The following SCG5 variants were observed in gnomAD, a reference collection of about 807,000 sequenced individuals.
The protein encoded by SCG5 is secretogranin V, also known as neuroendocrine protein 7B2.
A neutral mutation model predicts 25.7 loss-of-function variants in SCG5; 18 were observed. That is an observed-to-expected ratio of 0.70 (90% CI 0.48 to 1.04). The LOEUF is 1.04. Ranked by LOEUF, SCG5 falls within the 50% of genes least tolerant of loss-of-function variation. The pLI is 0.00. For synonymous variants in SCG5, 101 were observed against 91.7 expected, an observed-to-expected ratio of 1.10 and a Z score of -0.58; for missense variants, 206 against 259.8, an observed-to-expected ratio of 0.79 and a Z score of 1.42.
At chr15:32,683,205 G>A (rs1263786285) in intron 3 of SCG5, among the ~76,000 whole-genome samples, 1 of 152,178 alleles carries the variant, frequency 6.6e-6, no homozygotes, top group African/African-American at 2.4e-5. Context: ...TGTACTGAAA[G>A]CTTAAGAGCA....
intron 4 of SCG5, among the ~76,000 whole-genome samples, chr15:32,690,311 C>T (rs1365330274): frequency 6.6e-6 from 1 of 152,208 alleles, no homozygotes; most frequent in Non-Finnish European, 1.5e-5. Flanking sequence ...CAATGGTACA[C>T]ATGAAGAAGA....
chr15:32,669,087 A>T (rs2054372519), intron 2 of SCG5: 1 of 152,176 alleles, frequency 6.6e-6, no homozygotes, highest in African/African-American at 2.4e-5. Context: ...ACTTTAAGAG[A>T]ATTATCCCAG....
intron 2 of SCG5, among the ~76,000 whole-genome samples, chr15:32,653,253 C>T (rs1380922027): frequency 6.6e-6 from 1 of 152,158 alleles, no homozygotes; most frequent in African/African-American, 2.4e-5. Context: ...TTTTCAATCA[C>T]GAGTGAGATC....
In SCG5 at chr15:32,679,762, G is replaced by A. The variant is rs188916063; in HGVS notation, c.227-4G>A. The A allele has an allele frequency of 1.4e-4, 229 of 1,613,804 alleles. 1 individual carries two copies. In the African/African-American group the frequency reaches 2.7e-3, roughly 19 times the overall value. On this transcript the variant is annotated splice_region_variant and splice_polypyrimidine_tract_variant and intron_variant, in intron 2 of 5. Coordinates refer to ENST00000300175, the MANE Select transcript of SCG5 (RefSeq NM_001144757.3). ...GCAATGAACTACTTCTGATTCCCTC[G>A]CAGGTGGAGCTCATGAAGGACTTCA...
rs779958234 is a variant in SCG5 at position 32,684,701 on chromosome 15, G to A, written c.489+32G>A. The A allele has an allele frequency of 6.8e-6, 10 of 1,470,020 alleles. No individual in the cohort carries two copies. In the Admixed American group the frequency reaches 1.7e-4, roughly 25 times the overall value. 91.1% of individuals were successfully genotyped at this position (1,470,020 alleles called of 1,614,324 possible). The stretch of plus-strand genomic sequence containing the variant: ...CCTATCTCAATTGTTAGTAGATTTT[G>A]CACTTTGGTACTCTGAAGGTGCTGA... On this transcript the variant is annotated intron_variant, in intron 4 of 5. Transcript: ENST00000300175.
chr15:32,687,468 A>T (rs2054736369), intron 4 of SCG5, among the ~76,000 whole-genome samples: 1 of 152,214 alleles, frequency 6.6e-6, no homozygotes, highest in Non-Finnish European at 1.5e-5. Flanking sequence ...TTTTCTCATT[A>T]CTACCTACCA....
intron 2 of SCG5, among the ~76,000 whole-genome samples, chr15:32,660,641 G>A (rs1228488718): frequency 6.6e-6 from 1 of 152,186 alleles, no homozygotes; most frequent in Non-Finnish European, 1.5e-5. Flanking sequence ...AGAGATGCAC[G>A]CATGATACCC....
chr15:32,670,352 C>T (rs1043796737), intron 2 of SCG5, among the ~76,000 whole-genome samples: 3 of 152,244 alleles, frequency 2.0e-5, no homozygotes, highest in Non-Finnish European at 2.9e-5. Flanking sequence ...AGAAGGATCA[C>T]TCTAGCAAAC....
chr15:32,684,279 T>C, intron 3 of SCG5: 1 of 385,984 alleles, frequency 2.6e-6, no homozygotes, highest in South Asian at 5.1e-5. Context: ...CTCCACGTGA[T>C]TGCAAAGCAA....
At chr15:32,674,349 G>A (rs1019130155) in intron 2 of SCG5, among the ~76,000 whole-genome samples, 1 of 152,054 alleles carries the variant, frequency 6.6e-6, no homozygotes, top group African/African-American at 2.4e-5. Context: ...ATTTTAGAGA[G>A]TCAAATTATA....
chr15:32,646,761 T>C (rs1241028980), intron 2 of SCG5, among the ~76,000 whole-genome samples: 1 of 152,210 alleles, frequency 6.6e-6, no homozygotes, highest in African/African-American at 2.4e-5. Flanking sequence ...GGTCTGATCA[T>C]TTATTCATGT....
Position 32,643,760 on chromosome 15 carries a change from C to T in SCG5, c.168C>T (p.Pro56=), listed in dbSNP as rs764874026. 3 of 1,613,916 alleles carry T rather than the reference C, an allele frequency of 1.9e-6. No homozygotes were observed. The highest frequency in any genetic ancestry group is 2.5e-6 in the Non-Finnish European group (3 of 1,179,894). The part of the protein sequence containing the change: ...GVMEQLGIAR[P]RVEYPAHQAM... ...TGGAGCAATTGGGCATTGCCAGGCC[C>T]CGAGTGGAATATCCAGCTCACCAGG... Residue 56 remains proline (P), a synonymous_variant, in exon 2 of 6, where the codon CCC becomes CCT. Transcript: ENST00000300175.
At chr15:32,676,774 C>T (rs1238106496) in intron 2 of SCG5, among the ~76,000 whole-genome samples, 3 of 152,146 alleles carry the variant, frequency 2.0e-5, no homozygotes, top group African/African-American at 4.8e-5. Context: ...AACTATAAAT[C>T]AACATCTGAT....
At chr15:32,693,418 T>C (rs1391438915) in intron 5 of SCG5, among the ~76,000 whole-genome samples, 1 of 152,178 alleles carries the variant, frequency 6.6e-6, no homozygotes, top group Non-Finnish European at 1.5e-5. Flanking sequence ...AGATATCAAG[T>C]TCTTCCTGTT....
At chr15:32,661,545 G>A (rs563125722) in intron 2 of SCG5, among the ~76,000 whole-genome samples, 222 of 152,192 alleles carry the variant, frequency 1.5e-3, no homozygotes, top group African/African-American at 5.0e-3. Flanking sequence ...ACTTGAACCC[G>A]GGAGGCAGAG....
intron 1 of SCG5, among the ~76,000 whole-genome samples, chr15:32,641,980 G>A (rs76386401): frequency 3.9e-5 from 6 of 152,240 alleles, no homozygotes; most frequent in Non-Finnish European, 8.8e-5. Flanking sequence ...TCAAATCAGA[G>A]CGGCGTTTGC....
chr15:32,666,179 G>C (rs2054315174), intron 2 of SCG5, among the ~76,000 whole-genome samples: 1 of 152,128 alleles, frequency 6.6e-6, no homozygotes, highest in Non-Finnish European at 1.5e-5. Context: ...CTAAAATACT[G>C]AACATGGCTG....
At chr15:32,686,385 G>A (rs1595817923) in intron 4 of SCG5, among the ~76,000 whole-genome samples, 1 of 152,170 alleles carries the variant, frequency 6.6e-6, no homozygotes. Context: ...TTTCAGTTAT[G>A]ATGACTGTGA....
intron 5 of SCG5, among the ~76,000 whole-genome samples, chr15:32,693,321 A>T (rs1027511663): frequency 6.6e-6 from 1 of 152,236 alleles, no homozygotes; most frequent in Non-Finnish European, 1.5e-5. Flanking sequence ...GCTAAGACAC[A>T]TGCTATAAAG....
Sources: gnomAD v4.1 joint callset for allele counts (sites outside exome capture counted in the v4.1 genomes callset) on GRCh38, gnomAD v4.1.1 for gene constraint, MANE v1.5 for transcripts, NCBI Gene and HGNC (gene_info 2026-07-23, HGNC 2026-07-21) for gene names.